The following UBE2O variants were observed in gnomAD, a reference collection of about 807,000 sequenced individuals.
UBE2O encodes ubiquitin conjugating enzyme E2 O.
A neutral mutation model predicts 125.8 loss-of-function variants in UBE2O; 15 were observed. The observed-to-expected ratio is 0.12, with a 90% CI of 0.08 to 0.18. UBE2O has a LOEUF of 0.18. Ranked by LOEUF, UBE2O falls within the 10% of genes least tolerant of loss-of-function variation. The pLI, the probability that UBE2O is intolerant of heterozygous loss-of-function variation, is 1.00. For missense variants in UBE2O, 1,280 were observed against 1,723.6 expected (o/e 0.74, Z 4.56); for synonymous variants, 708 against 703.2 (o/e 1.01, Z -0.11).
chr17:76,438,195 G>A (rs766817179), intron 1 of UBE2O, among the ~76,000 whole-genome samples: 1 of 152,114 alleles, frequency 6.6e-6, no homozygotes, highest in Non-Finnish European at 1.5e-5. Flanking sequence ...ATGGTTTGAG[G>A]AGTTATTATT....
intron 1 of UBE2O, among the ~76,000 whole-genome samples, chr17:76,408,180 C>T (rs2072455709): frequency 6.6e-6 from 1 of 152,198 alleles, no homozygotes. Context: ...CTCCCTGCCC[C>T]CGTATGCACA....
chr17:76,396,091 G>A lies in UBE2O; in HGVS notation c.2809+37C>T. The A allele has an allele frequency of 6.3e-7, 1 of 1,597,984 alleles. No homozygotes were observed. Among genetic ancestry groups the A allele is most frequent in the Non-Finnish European group, 8.6e-7 (1 of 1,169,156 alleles). ...TGACACAAACAGGAGCCCCGAGAAG[G>A]CGGGGGAAGGCGAAGACCAGGCAAG... is the stretch of plus-strand genomic sequence containing the variant. On this transcript the variant is annotated intron_variant, in intron 14 of 17. Transcript: ENST00000319380. This position sits in a 1 kb window ranked among gnomAD's most constrained non-coding sequence, Gnocchi z 6.7.
chr17:76,415,895 G>T (rs572364302), intron 1 of UBE2O, among the ~76,000 whole-genome samples: 2 of 146,896 alleles, frequency 1.4e-5, no homozygotes, highest in African/African-American at 5.2e-5. Flanking sequence ...GTACATACAC[G>T]TATATACAAA....
In UBE2O at chr17:76,452,096, C is replaced by A. The variant is rs2073255526; in HGVS notation, c.417+629G>T. 1.3e-5 allele frequency among the ~76,000 whole-genome samples: 2 copies of A among 151,240 alleles called. No individual in the cohort carries two copies. The highest frequency in any genetic ancestry group is 1.3e-4 in the Admixed American group (2 of 15,196). On this transcript the variant is annotated intron_variant, in intron 1 of 17. Transcript: ENST00000319380. This position sits in a 1 kb window ranked among gnomAD's most constrained non-coding sequence, Gnocchi z 4.4. ...TCCCGGTCGCAGCTGTCAGAATCCT[C>A]CCCCCCAAGTACTATTCATACCGGG...
At chr17:76,403,257 A>G (rs2072359869) in intron 3 of UBE2O, among the ~76,000 whole-genome samples, 1 of 151,948 alleles carries the variant, frequency 6.6e-6, no homozygotes, top group Non-Finnish European at 1.5e-5. Flanking sequence ...GAACTCATAT[A>G]TTTTATTTTA....
At chr17:76,419,758 G>C (rs2072677153) in intron 1 of UBE2O, among the ~76,000 whole-genome samples, 1 of 152,234 alleles carries the variant, frequency 6.6e-6, no homozygotes, top group Non-Finnish European at 1.5e-5. Flanking sequence ...TCGCCACCTT[G>C]AAGACTTCCA....
At chr17:76,418,302 T>C (rs2072649236) in intron 1 of UBE2O, among the ~76,000 whole-genome samples, 1 of 152,204 alleles carries the variant, frequency 6.6e-6, no homozygotes, top group Admixed American at 6.5e-5. Flanking sequence ...TTTATCACAG[T>C]CCTGAAGGAG....
chr17:76,453,007 C>T lies in UBE2O; in HGVS notation c.135G>A (p.Gly45=). 1 of 1,478,568 alleles carries T rather than the reference C, an allele frequency of 6.8e-7. No individual in the cohort carries two copies. The highest frequency in any genetic ancestry group is 9.0e-7 in the Non-Finnish European group (1 of 1,114,420). The allele number at this position is 1,478,568 out of a possible 1,614,324, so 91.6% of individuals were successfully genotyped here. A position where few individuals can be genotyped will look rare whatever the true frequency, so the allele number is the denominator to read the frequency against. The change falls in exon 1 of 18, where the codon GGG becomes GGA. Residue 45 remains glycine (G), a synonymous_variant. Coordinates refer to ENST00000319380, the MANE Select transcript of UBE2O (RefSeq NM_022066.4). ...CTTCTGGGCCGGAGTCCGAGGACGG[C>T]CCGGAGGCCGAGTCCGAGGCGGGCG... is the stretch of plus-strand genomic sequence containing the variant. ...APAPASDSAS[G]PSSDSGPEAG...
intron 1 of UBE2O, among the ~76,000 whole-genome samples, chr17:76,428,818 T>A (rs1228789238): frequency 6.6e-6 from 1 of 152,130 alleles, no homozygotes; most frequent in Non-Finnish European, 1.5e-5. Flanking sequence ...CCATGTCAAT[T>A]CCCTGATTTT....
Position 76,398,840 on chromosome 17 carries a change from G to A in UBE2O, c.1780C>T (p.Arg594Ter), listed in dbSNP as rs2072263576. ...GCCCTTCCAGAGCTGGCACTACCTC[G>A]CTTATCTACCACGAAGTCTCCAGGG... ...FCPGDFVVDKRVQSCPDPAVY... is the reference protein window; with the variant it reads ...FCPGDFVVDK The change falls in exon 10 of 18, where the codon CGA becomes TGA. Residue 594 changes from arginine (R) to a stop codon, truncating the protein, a stop_gained. Coordinates refer to ENST00000319380, the MANE Select transcript of UBE2O (RefSeq NM_022066.4). LOFTEE classifies it high-confidence loss of function. This position sits in a 1 kb window ranked among gnomAD's most constrained non-coding sequence, Gnocchi z 5.4. 1 of 1,613,586 alleles carries A rather than the reference G, an allele frequency of 6.2e-7. No homozygotes were observed. The highest frequency in any genetic ancestry group is 8.5e-7 in the Non-Finnish European group (1 of 1,179,752).
chr17:76,438,656 T>G (rs2073035762), intron 1 of UBE2O, among the ~76,000 whole-genome samples: 1 of 152,198 alleles, frequency 6.6e-6, no homozygotes, highest in African/African-American at 2.4e-5. Flanking sequence ...CAGATTTTAC[T>G]GGGGGGTTAG....
At chr17:76,440,431 G>C (rs1015519540) in intron 1 of UBE2O, among the ~76,000 whole-genome samples, 1 of 152,212 alleles carries the variant, frequency 6.6e-6, no homozygotes, top group Admixed American at 6.5e-5. Context: ...GGACTCAAGC[G>C]ATCCTCTCAC....
At position 76,399,381 on chromosome 17, in the gene UBE2O, C is replaced by T. The variant is rs1035114444; in HGVS notation, c.1628+68G>A. The T allele has an allele frequency of 6.1e-6, 9 of 1,482,908 alleles. No individual in the cohort carries two copies. Among genetic ancestry groups the T allele is most frequent in the Middle Eastern group, 1.9e-4 (1 of 5,284 alleles). The allele number at this position is 1,482,908 out of a possible 1,614,324, so 91.9% of individuals were successfully genotyped here. A position where few individuals can be genotyped will look rare whatever the true frequency, so the allele number is the denominator to read the frequency against. ...TGTGTGCGAGCGCAGGCACGCACAC[C>T]GAGGGGACGCGCACTCTGCCTGGCT... On this transcript the variant is annotated intron_variant, in intron 9 of 17. Transcript: ENST00000319380. The surrounding 1 kb of genome is among the most constrained non-coding windows in gnomAD (Gnocchi z 6.9).
Position 76,406,692 on chromosome 17 carries a change from GTTTTTTT to G in UBE2O, c.418-1127_418-1121del, listed in dbSNP as rs66834782. Among the ~76,000 whole-genome samples the G allele has an allele frequency of 1.4e-4, 10 of 70,916 alleles. No individual in the cohort carries two copies. In the East Asian group the frequency reaches 4.1e-3, roughly 29 times the overall value. The allele number at this position is 70,916 out of a possible 152,430, so 46.5% of individuals were successfully genotyped here. A position where few individuals can be genotyped will look rare whatever the true frequency, so the allele number is the denominator to read the frequency against. The stretch of plus-strand genomic sequence containing the variant: ...CCATGGGAACTCATGAGCCCAAGTT[GTTTTTTT>G]TTTTTTTTTTTTTTTTTTGAGATGG... On this transcript the variant is annotated intron_variant, in intron 1 of 17. Coordinates refer to ENST00000319380, the MANE Select transcript of UBE2O (RefSeq NM_022066.4).
rs1294868184 is a variant in UBE2O, at chr17:76,397,818, T to C, written c.2096A>G (p.Lys699Arg). The C allele has an allele frequency of 6.2e-7, 1 of 1,614,198 alleles. No individual in the cohort carries two copies. The change falls in exon 13 of 18, where the codon AAG becomes AGG. Residue 699 changes from lysine to arginine, a missense_variant. Lys to Arg is a conservative substitution (Grantham distance 26, BLOSUM62 2). This residue lies in a region of UBE2O where 210 missense variants were observed against 268.9 expected (regional missense o/e 0.78). Coordinates refer to ENST00000319380, the MANE Select transcript of UBE2O (RefSeq NM_022066.4). ...KVEVVWADNSKTIILPQHLYN... is the reference protein window; with the variant it reads ...KVEVVWADNSRTIILPQHLYN... Reference sequence around the variant, plus strand: ...CCTCACCTGGGGCAGGATGATGGTCTTTGAGTTGTCAGCCCACACCACCTC... The same window carrying C: ...CCTCACCTGGGGCAGGATGATGGTCCTTGAGTTGTCAGCCCACACCACCTC...
chr17:76,397,881 A>G lies in UBE2O; in HGVS notation c.2033T>C (p.Val678Ala). The change falls in exon 13 of 18, where the codon GTG becomes GCG. Residue 678 changes from valine to alanine, a missense_variant. By Grantham distance (64) the Val-to-Ala change is moderately conservative. Around this residue, in one of 10 missense-constraint regions of UBE2O, gnomAD observed 210 missense variants for 268.9 expected, o/e 0.78. Transcript: ENST00000319380. Reference protein sequence around the residue: ...GAPHKEDEPSVGQVARVDVSS... With the variant: ...GAPHKEDEPSAGQVARVDVSS... ...GACGTCCACACGGGCCACCTGGCCC[A>G]CCGATGGCTGCTGGGCAAAGGGGAC... 1.2e-6 allele frequency: 2 copies of G among 1,614,040 alleles called. No homozygotes were observed. Among genetic ancestry groups the G allele is most frequent in the Non-Finnish European group, 1.7e-6 (2 of 1,180,020 alleles).
chr17:76,395,569 G>T lies in UBE2O; in HGVS notation c.2946+156C>A. 1.2e-6 allele frequency: 1 copy of T among 806,878 alleles called. No individual in the cohort carries two copies. The highest frequency in any genetic ancestry group is 2.0e-6 in the Non-Finnish European group (1 of 512,258). 50.0% of individuals were successfully genotyped at this position (806,878 alleles called of 1,614,324 possible). On this transcript the variant is annotated intron_variant, in intron 15 of 17. Transcript: ENST00000319380. The surrounding 1 kb of genome is among the most constrained non-coding windows in gnomAD (Gnocchi z 5.0). ...CACACGGCTGAGTCAGCCCTCACCT[G>T]ACTGAGCCTGTGACCGCCCCTGTAA...
In UBE2O at chr17:76,423,552, G is replaced by A. The variant is rs1272516263; in HGVS notation, c.418-17980C>T. Among the ~76,000 whole-genome samples, 3 of 151,840 alleles carry A rather than the reference G, an allele frequency of 2.0e-5. No homozygotes were observed. The East Asian group carries it at 5.8e-4, about 29-fold the overall frequency. On this transcript the variant is annotated intron_variant, in intron 1 of 17. Coordinates refer to ENST00000319380, the MANE Select transcript of UBE2O (RefSeq NM_022066.4). The stretch of plus-strand genomic sequence containing the variant: ...ACTAAAAATACAAAAAATTAGCCAG[G>A]CATGGTGGCACGTACCTATAGTCCC...
At position 76,391,265 on chromosome 17, in the gene UBE2O, T is replaced by C; in HGVS notation, c.3557A>G (p.Glu1186Gly). 6.2e-7 allele frequency: 1 copy of C among 1,613,100 alleles called. No individual in the cohort carries two copies. The highest frequency in any genetic ancestry group is 1.1e-5 in the South Asian group (1 of 91,076). The stretch of plus-strand genomic sequence containing the variant: ...CTCTCCTGGGGCTGGCCCTCCATCC[T>C]CAGGTTCTTGTTGGCCGGAGTCTGA... ...ELSDSGQQEP[E>G]DGGPAPGEAS... The change falls in exon 18 of 18, where the codon GAG becomes GGG. Residue 1186 changes from glutamate to glycine, a missense_variant. This residue lies in a region of UBE2O where 233 missense variants were observed against 279.0 expected (regional missense o/e 0.84). Transcript: ENST00000319380. This position sits in a 1 kb window ranked among gnomAD's most constrained non-coding sequence, Gnocchi z 8.4.
Sources: allele counts gnomAD v4.1 joint callset (sites outside exome capture counted in the v4.1 genomes callset), GRCh38; gene constraint gnomAD v4.1.1; regional missense constraint gnomAD v4.1.1; non-coding constraint Gnocchi (gnomAD v3.1); transcripts MANE v1.5; gene names NCBI Gene and HGNC (gene_info 2026-07-23, HGNC 2026-07-21).